RHOBTB2: variants seen among roughly 807,000 people sequenced by gnomAD.
The protein encoded by RHOBTB2 is rho-related BTB domain-containing protein 2.
A neutral mutation model predicts 66.5 loss-of-function variants in RHOBTB2; 39 were observed. The ratio of observed to expected loss-of-function variants is 0.59; its 90% CI spans 0.45 to 0.77. RHOBTB2 has a LOEUF of 0.77. RHOBTB2 is among the 30% of genes least tolerant of loss of function. The probability of loss-of-function intolerance (pLI) is 0.00; values close to 1 mark genes in which losing one functional copy is unlikely to be tolerated. For synonymous variants in RHOBTB2, 390 were observed against 395.0 expected, an observed-to-expected ratio of 0.99 and a Z score of 0.15; for missense variants, 755 against 999.1, an observed-to-expected ratio of 0.76 and a Z score of 3.29.
chr8:22,991,264 T>C (rs1238622739), intron 1 of RHOBTB2, among the ~76,000 whole-genome samples: 1 of 152,108 alleles, frequency 6.6e-6, no homozygotes, highest in Admixed American at 6.5e-5. Context: ...CCAGGGCCCA[T>C]CCAGCCTTGT....
rs567829658 is a variant in RHOBTB2 at position 23,000,176 on chromosome 8, C to A, written c.-11+71C>A. ...CTTGCAGACGCGCCGCTCCGCCCTC[C>A]CTGCCCTGCCGCGCCCCTCGCTACG... On this transcript the variant is annotated intron_variant, in intron 1 of 9. Transcript: ENST00000251822. The A allele has an allele frequency of 7.3e-6, 7 of 956,610 alleles. No homozygotes were observed. In the African/African-American group the frequency reaches 1.2e-4, roughly 17 times the overall value. The allele number at this position is 956,610 out of a possible 1,614,324, so 59.3% of individuals were successfully genotyped here.
rs927927768 is a variant in RHOBTB2, at chr8:22,999,577, C to T, written c.-539C>T. 3 of 1,216,758 alleles carry T rather than the reference C, an allele frequency of 2.5e-6. No homozygotes were observed. The highest frequency in any genetic ancestry group is 1.7e-5 in the African/African-American group (1 of 59,448). The allele number at this position is 1,216,758 out of a possible 1,614,324, so 75.4% of individuals were successfully genotyped here. On this transcript the variant is annotated 5_prime_UTR_variant, in exon 1 of 10. Transcript: ENST00000251822. ...CCCGTCACGGCTGTCGTCTTGGGTG[C>T]GATTTTTTTCTCCTCCTTTTTTTAC...
At chr8:22,964,451 CA>C in the RHOBTB2 span, among the ~76,000 whole-genome samples, 1 of 152,004 alleles carries the variant, frequency 6.6e-6, no homozygotes, top group African/African-American at 2.4e-5. Context: ...TTGTTTTCTG[CA>C]AAAAAATAAG....
In RHOBTB2 at chr8:22,999,647, T is replaced by G; in HGVS notation, c.-469T>G. The G allele has an allele frequency of 1.6e-6, 2 of 1,247,826 alleles. No individual in the cohort carries two copies. Among genetic ancestry groups the G allele is most frequent in the Non-Finnish European group, 2.1e-6 (2 of 972,870 alleles). The allele number at this position is 1,247,826 out of a possible 1,614,324, so 77.3% of individuals were successfully genotyped here. On this transcript the variant is annotated 5_prime_UTR_variant, in exon 1 of 10. Coordinates refer to ENST00000251822, the MANE Select transcript of RHOBTB2 (RefSeq NM_015178.3). ...CTTTTTTTTTTCCCTATCCTTTTTT[T>G]GTGAATGAAAAAAGGAGGTCGCGAG... is the stretch of plus-strand genomic sequence containing the variant.
chr8:22,968,148 C>T, the RHOBTB2 span, among the ~76,000 whole-genome samples: 2 of 149,050 alleles, frequency 1.3e-5, no homozygotes, highest in South Asian at 2.1e-4. Flanking sequence ...GAGTGAGACC[C>T]TGTCTCAAAA....
At position 23,007,629 on chromosome 8, in the gene RHOBTB2, A is replaced by G; in HGVS notation, c.1384A>G (p.Met462Val). 2 of 1,614,206 alleles carry G rather than the reference A, an allele frequency of 1.2e-6. No individual in the cohort carries two copies. Among genetic ancestry groups the G allele is most frequent in the Non-Finnish European group, 1.7e-6 (2 of 1,180,034 alleles). ...AELLEVFDLR[M>V]MVANILNNEA... ...GCTGCTCGAGGTCTTTGATCTGCGC[A>G]TGATGGTGGCCAACATTCTCAACAA... Residue 462 changes from methionine to valine, a missense_variant, in exon 5 of 10, where the codon ATG becomes GTG. Around this residue, in one of 7 missense-constraint regions of RHOBTB2, gnomAD observed 353 missense variants for 458.2 expected, o/e 0.77. Transcript: ENST00000251822.
chr8:22,962,179 C>CAAAAAAAAAAAAAA, the RHOBTB2 span, among the ~76,000 whole-genome samples: 30 of 13,836 alleles, frequency 2.2e-3, no homozygotes, highest in South Asian at 8.8e-3. Flanking sequence ...AACGAATTTA[C>CAAAAAAAAAAAAAA]AAAAAAAAAA....
intron 1 of RHOBTB2, among the ~76,000 whole-genome samples, chr8:23,000,742 C>T (rs1489321064): frequency 6.6e-6 from 1 of 152,218 alleles, no homozygotes; most frequent in African/African-American, 2.4e-5. Flanking sequence ...TAGGAGTCCA[C>T]TCTCTCTTTG....
At chr8:22,970,896 C>A in the RHOBTB2 span, among the ~76,000 whole-genome samples, 1 of 152,212 alleles carries the variant, frequency 6.6e-6, no homozygotes, top group African/African-American at 2.4e-5. Flanking sequence ...CAATGTTGCA[C>A]GGTTTGATTT....
chr8:22,981,244 A>G, the RHOBTB2 span, among the ~76,000 whole-genome samples: 14 of 152,232 alleles, frequency 9.2e-5, no homozygotes, highest in Admixed American at 9.2e-4. Context: ...AGAAATGCTT[A>G]CTGGCTGGAG....
intron 2 of RHOBTB2, among the ~76,000 whole-genome samples, chr8:22,994,340 C>T (rs1810491274): frequency 1.3e-5 from 2 of 152,348 alleles, no homozygotes; most frequent in African/African-American, 4.8e-5. Flanking sequence ...CCAGTTTCGG[C>T]CTCTCATCTA....
the RHOBTB2 span, among the ~76,000 whole-genome samples, chr8:22,962,179 C>CAAAAAAAAAAAAAAAAAAAA: frequency 1.7e-3 from 23 of 13,834 alleles, 2 homozygotes; most frequent in Non-Finnish European, 2.0e-3. Flanking sequence ...AACGAATTTA[C>CAAAAAAAAAAAAAAAAAAAA]AAAAAAAAAA....
At chr8:23,012,124 G>T (rs929511502) in intron 7 of RHOBTB2, among the ~76,000 whole-genome samples, 1 of 152,166 alleles carries the variant, frequency 6.6e-6, no homozygotes, top group African/African-American at 2.4e-5. Flanking sequence ...TAAAAAAATG[G>T]TGTGATCTTC....
chr8:22,993,283 C>CAG (rs552943129), intron 2 of RHOBTB2, among the ~76,000 whole-genome samples: 73 of 152,324 alleles, frequency 4.8e-4, no homozygotes, highest in Middle Eastern at 3.4e-3. Context: ...CCTCAGCCTC[C>CAG]AGAGTAGCTG....
chr8:22,960,925 A>G, the RHOBTB2 span, among the ~76,000 whole-genome samples: 1 of 152,184 alleles, frequency 6.6e-6, no homozygotes, highest in East Asian at 1.9e-4. Flanking sequence ...TCAAACCTGA[A>G]AAGTTATTTC....
At chr8:22,978,504 A>C in the RHOBTB2 span, among the ~76,000 whole-genome samples, 3,585 of 150,386 alleles carry the variant, frequency 0.024, 72 homozygotes, top group Middle Eastern at 0.069. Flanking sequence ...AAAAAACAAA[A>C]AAACAAAAAA....
At chr8:23,011,517 C>T (rs544373366) in intron 7 of RHOBTB2, among the ~76,000 whole-genome samples, 16 of 152,188 alleles carry the variant, frequency 1.1e-4, no homozygotes, top group Non-Finnish European at 2.4e-4. Flanking sequence ...ACGGATTGTA[C>T]GAGCCGGAGC....
chr8:22,964,978 G>A, the RHOBTB2 span, among the ~76,000 whole-genome samples: 1 of 151,822 alleles, frequency 6.6e-6, no homozygotes, highest in African/African-American at 2.4e-5. Flanking sequence ...CACCACGCCA[G>A]GCTAATTTTT....
chr8:22,979,629 C>T, the RHOBTB2 span, among the ~76,000 whole-genome samples: 1 of 151,932 alleles, frequency 6.6e-6, no homozygotes, highest in Admixed American at 6.5e-5. Flanking sequence ...AAACCTTTTC[C>T]TGACTTGTGA....
Sources: gnomAD v4.1 joint callset for allele counts (sites outside exome capture counted in the v4.1 genomes callset) on GRCh38, gnomAD v4.1.1 for gene constraint, gnomAD v4.1.1 regional missense constraint, MANE v1.5 for transcripts, NCBI Gene and HGNC (gene_info 2026-07-23, HGNC 2026-07-21) for gene names.